Variants in TAFA1 observed in about 807,000 individuals in gnomAD.
TAFA1 encodes TAFA chemokine like family member 1, also known as chemokine-like protein TAFA-1.
TAFA1 carries 4 observed loss-of-function variants against 18.5 expected under a neutral mutation model. The ratio of observed to expected loss-of-function variants is 0.22; its 90% CI spans 0.11 to 0.49. The LOEUF (loss-of-function observed/expected upper bound fraction) is 0.49, where lower values mean the gene tolerates loss of function less well. TAFA1 is among the 20% of genes least tolerant of loss of function. TAFA1 has a pLI of 0.98. For missense variants in TAFA1, 147 were observed against 169.0 expected (o/e 0.87, Z 0.72); for synonymous variants, 56 against 55.2 (o/e 1.01, Z -0.06).
chr3:68,174,519 G>T (rs1435487538), intron 2 of TAFA1, among the ~76,000 whole-genome samples: 1 of 152,188 alleles, frequency 6.6e-6, no homozygotes, highest in African/African-American at 2.4e-5. Flanking sequence ...CTGGAGCAAA[G>T]GTGACATTTG....
chr3:68,380,690 C>T lies in TAFA1; in HGVS notation c.119-36590C>T, dbSNP rs1344319625. Among the ~76,000 whole-genome samples, 251 of 149,666 alleles carry T rather than the reference C, an allele frequency of 1.7e-3. 1 individual carries two copies. The highest frequency in any genetic ancestry group is 5.7e-3 in the African/African-American group (226 of 39,942). On this transcript the variant is annotated intron_variant, in intron 2 of 4. Coordinates refer to ENST00000478136, the MANE Select transcript of TAFA1 (RefSeq NM_213609.4). ...ATTAGCCCTTTGTCAGATGAGTAGG[C>T]TGCAAAAATTTTCTCCCATTTTGTA...
chr3:68,320,861 T>G (rs2068688053), intron 2 of TAFA1, among the ~76,000 whole-genome samples: 1 of 152,162 alleles, frequency 6.6e-6, no homozygotes, highest in Non-Finnish European at 1.5e-5. Flanking sequence ...GCTTACCTCC[T>G]TCTCCCCTGG....
intron 3 of TAFA1, among the ~76,000 whole-genome samples, chr3:68,478,124 G>T (rs1431714083): frequency 6.6e-6 from 1 of 152,230 alleles, no homozygotes; most frequent in Non-Finnish European, 1.5e-5. Context: ...CGTATTCCTT[G>T]TGATTCCTGA....
chr3:68,347,045 T>C (rs556718939), intron 2 of TAFA1, among the ~76,000 whole-genome samples: 19 of 152,144 alleles, frequency 1.2e-4, no homozygotes, highest in African/African-American at 4.3e-4. Context: ...ATCCCACATG[T>C]AGGATCTTGC....
intron 2 of TAFA1, among the ~76,000 whole-genome samples, chr3:68,187,210 T>C (rs1212421754): frequency 6.6e-6 from 1 of 152,076 alleles, no homozygotes; most frequent in African/African-American, 2.4e-5. Context: ...CTTCTGTTTA[T>C]AAGCAGCCTC....
At chr3:68,164,630 C>CGTATGT (rs2065961761) in intron 2 of TAFA1, among the ~76,000 whole-genome samples, 1 of 146,614 alleles carries the variant, frequency 6.8e-6, no homozygotes, top group Non-Finnish European at 1.5e-5. Context: ...CCTTTTGCAA[C>CGTATGT]GTGTGTGTGT....
At chr3:68,317,405 G>A (rs2068621500) in intron 2 of TAFA1, among the ~76,000 whole-genome samples, 1 of 152,090 alleles carries the variant, frequency 6.6e-6, no homozygotes, top group South Asian at 2.1e-4. Context: ...TAAATCTAAG[G>A]CTAAAGAACC....
At chr3:68,246,316 C>T (rs777977816) in intron 2 of TAFA1, among the ~76,000 whole-genome samples, 9 of 152,030 alleles carry the variant, frequency 5.9e-5, no homozygotes, top group Non-Finnish European at 1.0e-4. Context: ...GGTGGCCGGG[C>T]GCGGTGGTTC....
intron 2 of TAFA1, among the ~76,000 whole-genome samples, chr3:68,269,147 G>C (rs569182838): frequency 1.3e-5 from 2 of 152,236 alleles, no homozygotes; most frequent in South Asian, 4.1e-4. Flanking sequence ...GATCATTTGA[G>C]GGTCTTATTA....
At chr3:68,057,618 T>G (rs73108704) in intron 2 of TAFA1, among the ~76,000 whole-genome samples, 3,536 of 152,310 alleles carry the variant, frequency 0.023, 72 homozygotes, top group African/African-American at 0.051. Context: ...ACAGAACCTG[T>G]GAATGGGTTA....
intron 2 of TAFA1, among the ~76,000 whole-genome samples, chr3:68,286,898 G>T (rs987703547): frequency 1.3e-5 from 2 of 152,124 alleles, no homozygotes; most frequent in African/African-American, 4.8e-5. Flanking sequence ...GGACAGCCAG[G>T]CCCCCTGACA....
At chr3:68,161,201 T>A (rs568137225) in intron 2 of TAFA1, among the ~76,000 whole-genome samples, 4 of 152,352 alleles carry the variant, frequency 2.6e-5, no homozygotes, top group African/African-American at 9.6e-5. Context: ...TATAACGCTA[T>A]GATATGCTGG....
At chr3:68,265,679 A>G (rs1385016513) in intron 2 of TAFA1, among the ~76,000 whole-genome samples, 4 of 152,196 alleles carry the variant, frequency 2.6e-5, no homozygotes, top group Non-Finnish European at 5.9e-5. Flanking sequence ...GCTGGTTGGA[A>G]GGAGCCTGTC....
At chr3:68,459,439 T>A (rs994551715) in intron 3 of TAFA1, among the ~76,000 whole-genome samples, 2 of 152,216 alleles carry the variant, frequency 1.3e-5, no homozygotes, top group Non-Finnish European at 2.9e-5. Flanking sequence ...TAAAAATTTT[T>A]AAGTAGTGAC....
At chr3:68,536,247 C>T (rs1173623756) in intron 3 of TAFA1, among the ~76,000 whole-genome samples, 1 of 152,162 alleles carries the variant, frequency 6.6e-6, no homozygotes, top group African/African-American at 2.4e-5. Flanking sequence ...ATGGTTAAAC[C>T]ATTCTGCTTT....
intron 2 of TAFA1, among the ~76,000 whole-genome samples, chr3:68,168,440 G>C (rs2066012405): frequency 6.6e-6 from 1 of 152,162 alleles, no homozygotes; most frequent in African/African-American, 2.4e-5. Context: ...AGCTTTTAAA[G>C]CAAGTGTTAA....
intron 2 of TAFA1, among the ~76,000 whole-genome samples, chr3:68,385,670 C>A (rs2070084183): frequency 6.6e-6 from 1 of 152,024 alleles, no homozygotes; most frequent in African/African-American, 2.4e-5. Context: ...TATTGTTAAA[C>A]ATATCTAGAA....
intron 2 of TAFA1, among the ~76,000 whole-genome samples, chr3:68,312,890 A>G (rs1241937418): frequency 6.6e-6 from 1 of 152,206 alleles, no homozygotes; most frequent in Non-Finnish European, 1.5e-5. Context: ...CAAAAGAAAG[A>G]GGTTTAATTT....
intron 3 of TAFA1, among the ~76,000 whole-genome samples, chr3:68,515,122 T>C (rs1256001446): frequency 6.6e-6 from 1 of 152,162 alleles, no homozygotes; most frequent in African/African-American, 2.4e-5. Flanking sequence ...GATGATCAAC[T>C]GTAGCATCTG....
Sources: gnomAD v4.1 joint callset for allele counts (sites outside exome capture counted in the v4.1 genomes callset) on GRCh38, gnomAD v4.1.1 for gene constraint, MANE v1.5 for transcripts, NCBI Gene and HGNC (gene_info 2026-07-23, HGNC 2026-07-21) for gene names.